The following KIF26B variants were observed in gnomAD, a reference collection of about 807,000 sequenced individuals.
The protein encoded by KIF26B is kinesin-like protein KIF26B.
KIF26B carries 63 observed loss-of-function variants against 151.2 expected under a neutral mutation model. The ratio of observed to expected loss-of-function variants is 0.42; its 90% CI spans 0.34 to 0.51. KIF26B has a LOEUF of 0.51. Among genes scored for constraint, KIF26B ranks in the 20% least tolerant of loss-of-function variants. The probability of loss-of-function intolerance (pLI) is 0.07; values close to 1 mark genes in which losing one functional copy is unlikely to be tolerated. For missense variants in KIF26B, 2,813 were observed against 2,913.6 expected, an observed-to-expected ratio of 0.97 and a Z score of 0.79; for synonymous variants, 1,357 against 1,262.1, an observed-to-expected ratio of 1.08 and a Z score of -1.59.
chr1:245,259,339 C>T (rs1454429748), intron 2 of KIF26B, among the ~76,000 whole-genome samples: 1 of 152,168 alleles, frequency 6.6e-6, no homozygotes, highest in African/African-American at 2.4e-5. Context: ...GCCTCCCCGC[C>T]CCACCACATC....
intron 2 of KIF26B, among the ~76,000 whole-genome samples, chr1:245,359,864 T>G (rs1672778140): frequency 6.9e-6 from 1 of 143,896 alleles, no homozygotes; most frequent in Admixed American, 6.7e-5. Flanking sequence ...ATTTCTTTCT[T>G]TCTTTCTTTC....
rs991434773 is a variant in KIF26B, at chr1:245,601,994, T to C, written c.1351-583T>C. ...AAACGACAACTTCTCTGCACTCGCTTAATGGGATCCCAAATAACACGTCGC... is the reference window on the plus strand; with the variant it reads ...AAACGACAACTTCTCTGCACTCGCTCAATGGGATCCCAAATAACACGTCGC... On this transcript the variant is annotated intron_variant, in intron 5 of 14. Transcript: ENST00000407071. The surrounding 1 kb of genome is among the most constrained non-coding windows in gnomAD (Gnocchi z 4.4). 6.6e-6 allele frequency among the ~76,000 whole-genome samples: 1 copy of C among 152,284 alleles called. No individual in the cohort carries two copies. The highest frequency in any genetic ancestry group is 6.5e-5 in the Admixed American group (1 of 15,296).
chr1:245,373,528 A>G (rs1673174676), intron 3 of KIF26B, among the ~76,000 whole-genome samples: 1 of 152,230 alleles, frequency 6.6e-6, no homozygotes, highest in South Asian at 2.1e-4. Context: ...TTAATCTACA[A>G]GTAATAAATC....
chr1:245,470,682 G>A (rs987861182), intron 4 of KIF26B, among the ~76,000 whole-genome samples: 3 of 151,710 alleles, frequency 2.0e-5, no homozygotes, highest in East Asian at 1.9e-4. Flanking sequence ...TGCCCGCCTC[G>A]GCCTCCCAAA....
At chr1:245,697,174 AAATT>A (rs1201124552) in intron 12 of KIF26B, among the ~76,000 whole-genome samples, 1 of 152,156 alleles carries the variant, frequency 6.6e-6, no homozygotes, top group Non-Finnish European at 1.5e-5. Flanking sequence ...TCCATAGAGA[AAATT>A]AACACAGCAG....
intron 12 of KIF26B, among the ~76,000 whole-genome samples, chr1:245,693,195 G>A (rs548524804): frequency 6.6e-6 from 1 of 152,220 alleles, no homozygotes; most frequent in South Asian, 2.1e-4. Context: ...GAGCACCTTG[G>A]TCTGAATTAA....
intron 4 of KIF26B, among the ~76,000 whole-genome samples, chr1:245,474,185 T>G (rs1659978797): frequency 6.6e-6 from 1 of 150,428 alleles, no homozygotes; most frequent in African/African-American, 2.4e-5. Flanking sequence ...CTCAGCTCAC[T>G]GCAACCTCTG....
intron 4 of KIF26B, among the ~76,000 whole-genome samples, chr1:245,445,055 G>A (rs944879134): frequency 2.0e-5 from 3 of 152,080 alleles, no homozygotes; most frequent in Non-Finnish European, 2.9e-5. Context: ...GTAATGTATC[G>A]CAGAATCTGT....
intron 9 of KIF26B, among the ~76,000 whole-genome samples, chr1:245,639,793 ATAGTTTTATTCTG>A (rs1337037876): frequency 6.6e-6 from 1 of 151,658 alleles, no homozygotes; most frequent in Non-Finnish European, 1.5e-5. Flanking sequence ...CTTGTTATTT[ATAGTTTTATTCTG>A]TTGTGGTTAG....
At chr1:245,615,794 T>A (rs2043583387) in intron 9 of KIF26B, among the ~76,000 whole-genome samples, 1 of 152,212 alleles carries the variant, frequency 6.6e-6, no homozygotes, top group South Asian at 2.1e-4. Context: ...GGGGAAAGGA[T>A]CCCGGCCAGA....
chr1:245,390,943 A>ACAAAACAAAACAAAAC lies in KIF26B; in HGVS notation c.999+23576_999+23577insCAAAACAAAACAAAAC, dbSNP rs1224485847. 1.6e-3 allele frequency among the ~76,000 whole-genome samples: 185 copies of ACAAAACAAAACAAAAC among 118,458 alleles called. 9 individuals carry two copies. Among genetic ancestry groups the ACAAAACAAAACAAAAC allele is most frequent in the Middle Eastern group, 7.8e-3 (2 of 256 alleles). 77.7% of individuals were successfully genotyped at this position (118,458 alleles called of 152,430 possible). Reference sequence around the variant, plus strand: ...TCTCAAAAAAAAAAAAAAAAAAAAAAAAAAAAAAACCACCATAAAATTTTG... The same window carrying ACAAAACAAAACAAAAC: ...TCTCAAAAAAAAAAAAAAAAAAAAAACAAAACAAAACAAAACAAAAAAAAACCACCATAAAATTTTG... On this transcript the variant is annotated intron_variant, in intron 3 of 14. Transcript: ENST00000407071.
At chr1:245,162,081 G>A (rs769374683) in intron 2 of KIF26B, among the ~76,000 whole-genome samples, 1 of 152,202 alleles carries the variant, frequency 6.6e-6, no homozygotes, top group Non-Finnish European at 1.5e-5. Context: ...GACCTTCTGC[G>A]AGGAAGAGTT....
chr1:245,260,536 G>A (rs1182240631), intron 2 of KIF26B, among the ~76,000 whole-genome samples: 2 of 152,196 alleles, frequency 1.3e-5, no homozygotes, highest in Non-Finnish European at 2.9e-5. Flanking sequence ...AATAGAACAT[G>A]TTTAATACAT....
At chr1:245,203,103 C>T (rs561180741) in intron 2 of KIF26B, among the ~76,000 whole-genome samples, 2 of 151,562 alleles carry the variant, frequency 1.3e-5, no homozygotes, top group Non-Finnish European at 2.9e-5. Flanking sequence ...AAAAATTAGC[C>T]AGGCATGGTG....
At position 245,621,485 on chromosome 1, in the gene KIF26B, G is replaced by A. The variant is rs2043659888; in HGVS notation, c.2098+9509G>A. Among the ~76,000 whole-genome samples the A allele has an allele frequency of 4.6e-5, 7 of 152,182 alleles. No homozygotes were observed. In the South Asian group the frequency reaches 1.5e-3, roughly 32 times the overall value. ...AGACGTTATTATATTGTTTCCTGTG[G>A]GTAGAATAAGGCATGTGGGTAATTT... On this transcript the variant is annotated intron_variant, in intron 9 of 14. Coordinates refer to ENST00000407071, the MANE Select transcript of KIF26B (RefSeq NM_018012.4).
intron 3 of KIF26B, among the ~76,000 whole-genome samples, chr1:245,394,480 A>C (rs1673774236): frequency 6.6e-6 from 1 of 151,940 alleles, no homozygotes; most frequent in South Asian, 2.1e-4. Context: ...AAAATTAACC[A>C]GGCGTGGTGG....
chr1:245,648,702 C>A (rs1350530745), intron 10 of KIF26B, among the ~76,000 whole-genome samples: 1 of 152,096 alleles, frequency 6.6e-6, no homozygotes, highest in African/African-American at 2.4e-5. Context: ...ATATTTTTAA[C>A]ATGCTGGCCC....
intron 2 of KIF26B, among the ~76,000 whole-genome samples, chr1:245,326,155 G>A (rs1671987321): frequency 6.6e-6 from 1 of 152,068 alleles, no homozygotes; most frequent in Admixed American, 6.6e-5. Flanking sequence ...TCTTCACAGC[G>A]CACACTGAGC....
intron 9 of KIF26B, among the ~76,000 whole-genome samples, chr1:245,644,500 C>G (rs1006506738): frequency 1.3e-5 from 2 of 152,120 alleles, no homozygotes; most frequent in African/African-American, 4.8e-5. Flanking sequence ...TTCATTTTCC[C>G]GAGTCTTTAC....
Sources: gnomAD v4.1 joint callset for allele counts (sites outside exome capture counted in the v4.1 genomes callset) on GRCh38, gnomAD v4.1.1 for gene constraint, Gnocchi (gnomAD v3.1) non-coding constraint, MANE v1.5 for transcripts, NCBI Gene and HGNC (gene_info 2026-07-23, HGNC 2026-07-21) for gene names.